Variants in CCDC141 observed in about 807,000 individuals in gnomAD.
The protein encoded by CCDC141 is coiled-coil domain containing 141, also known as coiled-coil domain-containing protein 141.
A neutral mutation model predicts 181.0 loss-of-function variants in CCDC141; 168 were observed. The ratio of observed to expected loss-of-function variants is 0.93; its 90% CI spans 0.82 to 1.05. CCDC141 has a LOEUF of 1.05. CCDC141 is among the 50% of genes least tolerant of loss of function. The probability of loss-of-function intolerance (pLI) is 0.00; values close to 1 mark genes in which losing one functional copy is unlikely to be tolerated. For synonymous variants in CCDC141, 666 were observed against 642.3 expected (o/e 1.04, Z -0.56); for missense variants, 1,902 against 1,788.5 (o/e 1.06, Z -1.14).
intron 2 of CCDC141, among the ~76,000 whole-genome samples, chr2:179,045,975 A>G (rs1263742032): frequency 6.6e-6 from 1 of 152,078 alleles, no homozygotes; most frequent in African/African-American, 2.4e-5. Flanking sequence ...TCTTTCTTCA[A>G]CTTCTTGGTT....
intron 3 of CCDC141, 76 bp downstream of exon 3, chr2:178,978,408 G>GA: frequency 2.0e-6 from 2 of 984,002 alleles, no homozygotes; most frequent in Non-Finnish European, 2.7e-6. Context: ...GTCTATTTGT[G>GA]AAAAAATAAA....
chr2:178,872,614 G>T (rs551983954), intron 12 of CCDC141, among the ~76,000 whole-genome samples: 1 of 152,072 alleles, frequency 6.6e-6, no homozygotes, highest in Non-Finnish European at 1.5e-5. Flanking sequence ...CATAATTTTT[G>T]AAGTGAAGAT....
At chr2:179,042,350 A>G (rs1169220044) in intron 2 of CCDC141, among the ~76,000 whole-genome samples, 9 of 152,146 alleles carry the variant, frequency 5.9e-5, no homozygotes, top group Non-Finnish European at 5.9e-5. Flanking sequence ...AAATCAATCA[A>G]GAAATTCTTT....
chr2:178,936,023 A>G (rs985397581), intron 6 of CCDC141, among the ~76,000 whole-genome samples: 15 of 152,032 alleles, frequency 9.9e-5, no homozygotes, highest in Admixed American at 2.6e-4. Flanking sequence ...TAGTTTATAA[A>G]TATTTTCTCC....
At position 179,033,269 on chromosome 2, in the gene CCDC141, C is replaced by A. The variant is rs539569014; in HGVS notation, c.225+14015G>T. ...ACAAAAATTAATACAAATATGAAAC[C>A]AATGTGCTATGATATTTGCATAATG... On this transcript the variant is annotated intron_variant, in intron 2 of 23. Transcript: ENST00000443758. Among the ~76,000 whole-genome samples, 10 of 151,686 alleles carry A rather than the reference C, an allele frequency of 6.6e-5. 1 individual carries two copies. In the South Asian group the frequency reaches 1.7e-3, roughly 25 times the overall value.
At chr2:178,944,275 A>G (rs1030173097) in intron 6 of CCDC141, among the ~76,000 whole-genome samples, 2 of 152,230 alleles carry the variant, frequency 1.3e-5, no homozygotes, top group Admixed American at 6.5e-5. Context: ...TCTCATATAC[A>G]TACTATAGTG....
At chr2:178,930,176 C>A in intron 6 of CCDC141, among the ~76,000 whole-genome samples, 1 of 151,504 alleles carries the variant, frequency 6.6e-6, no homozygotes, top group African/African-American at 2.4e-5. Context: ...ATTGAACAAC[C>A]TGAAAAGGAA....
rs149115406 is a variant in CCDC141 at position 178,858,001 on chromosome 2, C to T, written c.2725-1604G>A. 1.2e-3 allele frequency among the ~76,000 whole-genome samples: 188 copies of T among 152,138 alleles called. 2 individuals are homozygous for T. Among genetic ancestry groups the T allele is most frequent in the African/African-American group, 3.9e-3 (164 of 41,522 alleles). ...TTTAAAGCCCTAGTGGAATTGCGAA[C>T]GGAAATTATTATACTGATAGAATTT... On this transcript the variant is annotated intron_variant, in intron 17 of 23. Transcript: ENST00000443758.
chr2:178,855,581 T>C (rs1428927610), intron 18 of CCDC141, 40 bp from the exon 19 acceptor site: 1 of 1,419,772 alleles, frequency 7.0e-7, no homozygotes, highest in Non-Finnish European at 9.5e-7. Context: ...AACATTCAAT[T>C]TGTATTTATG....
intron 2 of CCDC141, among the ~76,000 whole-genome samples, chr2:179,041,946 T>C (rs1426290317): frequency 6.6e-6 from 1 of 152,026 alleles, no homozygotes; most frequent in Non-Finnish European, 1.5e-5. Context: ...GAGACTTAGA[T>C]CCCCCACACA....
chr2:178,868,181 C>G lies in CCDC141; in HGVS notation c.2419G>C (p.Glu807Gln). Residue 807 changes from glutamate to glutamine, a missense_variant, in exon 16 of 24, where the codon GAG becomes CAG. Transcript: ENST00000443758. The part of the protein sequence containing the change: ...EELGRLIKSR[E>Q]LEFVEQPKEL... ...TTCGGCTGCTCTACAAACTCCAGCT[C>G]TCTTGATTTGATGAGACGTCCCAGC... The G allele has an allele frequency of 1.2e-6, 2 of 1,611,334 alleles. No individual in the cohort carries two copies. Among genetic ancestry groups the G allele is most frequent in the South Asian group, 1.1e-5 (1 of 90,958 alleles).
chr2:178,969,605 G>A (rs979040870), intron 4 of CCDC141, among the ~76,000 whole-genome samples: 4 of 152,078 alleles, frequency 2.6e-5, no homozygotes, highest in Non-Finnish European at 5.9e-5. Flanking sequence ...CAATAAACTA[G>A]GTATCAATGG....
chr2:178,848,200 T>C (rs1384701731), intron 21 of CCDC141, among the ~76,000 whole-genome samples: 1 of 152,160 alleles, frequency 6.6e-6, no homozygotes, highest in African/African-American at 2.4e-5. Flanking sequence ...GAAGGTCGTG[T>C]CCTTGAAGTA....
chr2:178,881,621 C>A (rs1686610701), intron 11 of CCDC141, among the ~76,000 whole-genome samples: 1 of 152,000 alleles, frequency 6.6e-6, no homozygotes, highest in African/African-American at 2.4e-5. Flanking sequence ...AAGCGAATTG[C>A]AGTGGGACAA....
chr2:178,981,667 T>TATATATATATATAC (rs1559024766), intron 2 of CCDC141, among the ~76,000 whole-genome samples: 1 of 102,164 alleles, frequency 9.8e-6, no homozygotes, highest in African/African-American at 3.1e-5. Context: ...TACATACATA[T>TATATATATATATAC]ATACATATAT....
intron 14 of CCDC141, among the ~76,000 whole-genome samples, chr2:178,870,532 T>C (rs1686071264): frequency 6.6e-6 from 1 of 152,126 alleles, no homozygotes; most frequent in South Asian, 2.1e-4. Context: ...GCAGGGTGTA[T>C]TAAAGAGCCT....
chr2:178,954,652 CAT>C (rs943861381), intron 5 of CCDC141, among the ~76,000 whole-genome samples: 110 of 152,290 alleles, frequency 7.2e-4, no homozygotes, highest in African/African-American at 2.4e-3. Context: ...AGACACATCA[CAT>C]ATTCAGACAT....
Position 178,832,269 on chromosome 2 carries a change from C to G in CCDC141, c.*1904G>C, listed in dbSNP as rs1391196280. On this transcript the variant is annotated 3_prime_UTR_variant, in exon 24 of 24. Coordinates refer to ENST00000443758, the MANE Select transcript of CCDC141 (RefSeq NM_173648.4). ...GTGGCTCATACCTGTAATCCTGGCA[C>G]TTTGGGAGGCTGAGGCCCAGCCTGG... 2 of 151,956 alleles carry G rather than the reference C, an allele frequency of 1.3e-5. No homozygotes were observed. Among genetic ancestry groups the G allele is most frequent in the Admixed American group, 1.3e-4 (2 of 15,232 alleles). The allele number at this position is 151,956 out of a possible 1,614,324, so 9.4% of individuals were successfully genotyped here. A position where few individuals can be genotyped will look rare whatever the true frequency, so the allele number is the denominator to read the frequency against.
At chr2:178,965,555 C>T (rs1264174156) in intron 4 of CCDC141, among the ~76,000 whole-genome samples, 1 of 152,138 alleles carries the variant, frequency 6.6e-6, no homozygotes, top group East Asian at 1.9e-4. Context: ...CAAGGGAAGC[C>T]GTGAGGGACA....
Sources: gnomAD v4.1 joint callset for allele counts (sites outside exome capture counted in the v4.1 genomes callset) on GRCh38, gnomAD v4.1.1 for gene constraint, MANE v1.5 for transcripts, NCBI Gene and HGNC (gene_info 2026-07-23, HGNC 2026-07-21) for gene names.